DNAH12: variants seen among roughly 807,000 people sequenced by gnomAD.
DNAH12 encodes dynein axonemal heavy chain 12, also known as axonemal beta dynein heavy chain 12.
A neutral mutation model predicts 371.5 loss-of-function variants in DNAH12; 285 were observed. The ratio of observed to expected loss-of-function variants is 0.77; its 90% CI spans 0.70 to 0.85. The LOEUF is 0.85. Ranked by LOEUF, DNAH12 falls within the 40% of genes least tolerant of loss-of-function variation. The pLI, the probability that DNAH12 is intolerant of heterozygous loss-of-function variation, is 0.00. For missense variants in DNAH12, 3,611 were observed against 3,689.4 expected, an observed-to-expected ratio of 0.98 and a Z score of 0.55; for synonymous variants, 1,200 against 1,213.0, an observed-to-expected ratio of 0.99 and a Z score of 0.22.
chr3:57,390,005 T>G (rs1461745596), intron 45 of DNAH12, among the ~76,000 whole-genome samples: 6 of 149,152 alleles, frequency 4.0e-5, no homozygotes, highest in Non-Finnish European at 8.9e-5. Context: ...TGAGGTAACT[T>G]TTGTATTTTT....
intron 60 of DNAH12, among the ~76,000 whole-genome samples, chr3:57,342,976 G>A (rs544649457): frequency 1.6e-4 from 25 of 152,004 alleles, no homozygotes; most frequent in Non-Finnish European, 1.0e-4. Flanking sequence ...GGAAGCTGGG[G>A]TGGAAGGATC....
chr3:57,319,293 T>C (rs1412553716), intron 65 of DNAH12, among the ~76,000 whole-genome samples: 2 of 152,214 alleles, frequency 1.3e-5, no homozygotes, highest in African/African-American at 2.4e-5. Context: ...GTTTTCTATA[T>C]ACATAAGATC....
intron 26 of DNAH12, 128 bp from the exon 27 acceptor site, chr3:57,446,398 T>A: frequency 7.0e-7 from 1 of 1,420,272 alleles, no homozygotes; most frequent in Admixed American, 2.7e-5. Flanking sequence ...ATAAAAACAA[T>A]GTCTTTACTC....
chr3:57,299,842 C>CT (rs1320461495), intron 70 of DNAH12, among the ~76,000 whole-genome samples: 1 of 152,052 alleles, frequency 6.6e-6, no homozygotes, highest in East Asian at 1.9e-4. Context: ...GTCTATTTTG[C>CT]TTTTTTATAG....
chr3:57,326,581 A>C (rs1384155613), intron 62 of DNAH12, among the ~76,000 whole-genome samples: 1 of 152,210 alleles, frequency 6.6e-6, no homozygotes, highest in Non-Finnish European at 1.5e-5. Context: ...GAAAGGAACA[A>C]CCAGTACCAG....
At chr3:57,491,547 A>G (rs1006861536) in intron 11 of DNAH12, among the ~76,000 whole-genome samples, 2 of 152,204 alleles carry the variant, frequency 1.3e-5, no homozygotes, top group East Asian at 1.9e-4. Flanking sequence ...AGTTTCAACA[A>G]TTAGCAACTC....
intron 65 of DNAH12, among the ~76,000 whole-genome samples, chr3:57,316,058 T>C (rs1213618384): frequency 6.6e-6 from 1 of 152,088 alleles, no homozygotes; most frequent in African/African-American, 2.4e-5. Context: ...GTTATCTAGA[T>C]ATTCTAAAAA....
At chr3:57,396,803 C>A (rs1054523103) in intron 43 of DNAH12, among the ~76,000 whole-genome samples, 3 of 152,176 alleles carry the variant, frequency 2.0e-5, no homozygotes, top group Non-Finnish European at 4.4e-5. Flanking sequence ...GACCTCTGAC[C>A]TCAGGTGATC....
At chr3:57,459,559 C>T in intron 20 of DNAH12, 33 bp downstream of exon 20, 1 of 1,336,612 alleles carries the variant, frequency 7.5e-7, no homozygotes, top group Non-Finnish European at 9.7e-7. Flanking sequence ...AACAAAGGTT[C>T]ACCTACTGTG....
rs771481496 is a variant in DNAH12 at position 57,428,472 on chromosome 3, A to G, written c.5253+161T>C. 187 of 1,536,198 alleles carry G rather than the reference A, an allele frequency of 1.2e-4. 1 individual carries two copies. Among genetic ancestry groups the G allele is most frequent in the Non-Finnish European group, 9.8e-5 (112 of 1,142,120 alleles). On this transcript the variant is annotated intron_variant, in intron 34 of 73. Transcript: ENST00000495027. Reference sequence around the variant, plus strand: ...GCTGGAATAATTCAACCCCTGAGTTATGCAGCTATAACTTAAGCAATATAA... The same window carrying G: ...GCTGGAATAATTCAACCCCTGAGTTGTGCAGCTATAACTTAAGCAATATAA...
At chr3:57,384,417 G>A (rs1201989139) in intron 49 of DNAH12, among the ~76,000 whole-genome samples, 7 of 152,028 alleles carry the variant, frequency 4.6e-5, no homozygotes, top group East Asian at 1.9e-4. Flanking sequence ...TGGGAGGATC[G>A]CTTGAGCCCA....
At chr3:57,351,813 G>A (rs2062681772) in intron 60 of DNAH12, among the ~76,000 whole-genome samples, 1 of 152,006 alleles carries the variant, frequency 6.6e-6, no homozygotes, top group African/African-American at 2.4e-5. Flanking sequence ...AGGATGGTGG[G>A]GAAATGTTCT....
chr3:57,497,931 C>T (rs1054588982), intron 11 of DNAH12: 4 of 152,146 alleles, frequency 2.6e-5, no homozygotes, highest in African/African-American at 7.2e-5. Context: ...AACTCCATAA[C>T]ATTGATTATA....
chr3:57,343,243 A>G (rs1379214520), intron 60 of DNAH12, among the ~76,000 whole-genome samples: 1 of 152,202 alleles, frequency 6.6e-6, no homozygotes, highest in African/African-American at 2.4e-5. Flanking sequence ...GGGAAGACAT[A>G]AGAGACTCCA....
intron 60 of DNAH12, among the ~76,000 whole-genome samples, chr3:57,338,585 C>T (rs957070335): frequency 5.3e-5 from 8 of 149,684 alleles, no homozygotes; most frequent in Admixed American, 3.3e-4. Flanking sequence ...CGCCTCTGCC[C>T]GGCCACCACC....
chr3:57,334,766 G>T lies in DNAH12; in HGVS notation c.9833+16C>A. 1 of 1,532,126 alleles carries T rather than the reference G, an allele frequency of 6.5e-7. No homozygotes were observed. Among genetic ancestry groups the T allele is most frequent in the Non-Finnish European group, 8.8e-7 (1 of 1,141,110 alleles). 94.9% of individuals were successfully genotyped at this position (1,532,126 alleles called of 1,614,324 possible). On this transcript the variant is annotated intron_variant, in intron 61 of 73. Transcript: ENST00000495027. ...TATTGCCATTCAATGATAAATCATC[G>T]AATTTAAACAATCACCTGAGTCCTC...
chr3:57,547,726 A>T (rs763114197), upstream of DNAH12, among the ~76,000 whole-genome samples: 1 of 152,200 alleles, frequency 6.6e-6, no homozygotes, highest in Non-Finnish European at 1.5e-5. Context: ...ATAATAATAA[A>T]AAGCAACGTT....
rs1553680930 is a variant in DNAH12 at position 57,405,723 on chromosome 3, G to C, written c.6506C>G (p.Thr2169Ser). The C allele has an allele frequency of 1.3e-6, 2 of 1,551,644 alleles. No homozygotes were observed. The highest frequency in any genetic ancestry group is 2.4e-5 in the East Asian group (1 of 40,924). Residue 2169 changes from threonine (T) to serine (S), a missense_variant, in exon 41 of 74, where the codon ACT becomes AGT. This residue lies in a region of DNAH12 where 2,266 missense variants were observed against 2,236.9 expected (regional missense o/e 1.01). Coordinates refer to ENST00000495027, the MANE Select transcript of DNAH12 (RefSeq NM_001366028.2). ...TTCTTTAAAATGGTCCTTTATAACAGTTTTAGTTAACTGGAACAGCCATCT... is the reference window on the plus strand; with the variant it reads ...TTCTTTAAAATGGTCCTTTATAACACTTTTAGTTAACTGGAACAGCCATCT... ...DRRWLFQLTK[T>S]VIKDHFKESF...
At chr3:57,385,249 G>A (rs1030331847) in intron 48 of DNAH12, 100 bp downstream of exon 48, 152 of 152,300 alleles carry the variant, frequency 1.0e-3, no homozygotes, top group African/African-American at 3.6e-3. Flanking sequence ...AAAGGGTAAA[G>A]TCTCTAAAGT....
Sources: gnomAD v4.1 joint callset for allele counts (sites outside exome capture counted in the v4.1 genomes callset) on GRCh38, gnomAD v4.1.1 for gene constraint, gnomAD v4.1.1 regional missense constraint, MANE v1.5 for transcripts, NCBI Gene and HGNC (gene_info 2026-07-23, HGNC 2026-07-21) for gene names.